ANK2: variants seen among roughly 807,000 people sequenced by gnomAD.
ANK2 encodes ankyrin 2.
In ANK2, 83 loss-of-function variants were observed where a neutral mutation model predicts 360.5. The ratio of observed to expected loss-of-function variants is 0.23; its 90% CI spans 0.19 to 0.28. The LOEUF (loss-of-function observed/expected upper bound fraction) is 0.28. Among genes scored for constraint, ANK2 ranks in the 10% least tolerant of loss-of-function variants. ANK2 has a pLI of 1.00. For missense variants in ANK2, 4,201 were observed against 4,795.7 expected (o/e 0.88, Z 3.66); for synonymous variants, 1,740 against 1,759.5 (o/e 0.99, Z 0.28).
At chr4:112,747,088 A>G in the ANK2 span, among the ~76,000 whole-genome samples, 51 of 152,354 alleles carry the variant, frequency 3.3e-4, no homozygotes, top group African/African-American at 1.1e-3. Flanking sequence ...CACCAACCTT[A>G]TCTCTTAAGG....
chr4:113,167,141 A>T (rs1336487284), intron 1 of ANK2, among the ~76,000 whole-genome samples: 1 of 152,140 alleles, frequency 6.6e-6, no homozygotes, highest in African/African-American at 2.4e-5. Context: ...AAAAAAGATA[A>T]TGCTTTTGAA....
intron 1 of ANK2, among the ~76,000 whole-genome samples, chr4:112,820,988 C>T (rs999522228): frequency 1.3e-4 from 19 of 151,994 alleles, no homozygotes; most frequent in Admixed American, 7.9e-4. Context: ...CTTGGCTCAC[C>T]GCAACCTCCG....
At chr4:112,888,503 C>CAA (rs1291408447) in intron 1 of ANK2, among the ~76,000 whole-genome samples, 2 of 151,894 alleles carry the variant, frequency 1.3e-5, no homozygotes, top group Admixed American at 6.6e-5. Flanking sequence ...CTACTTCTGG[C>CAA]AAGTTTTAAC....
intron 1 of ANK2, among the ~76,000 whole-genome samples, chr4:113,157,536 G>A (rs1356762344): frequency 6.6e-6 from 1 of 152,206 alleles, no homozygotes; most frequent in African/African-American, 2.4e-5. Flanking sequence ...TCTTGGGTTA[G>A]CAACATTAAA....
At chr4:112,851,700 T>G (rs918983169) in intron 1 of ANK2, among the ~76,000 whole-genome samples, 3 of 152,058 alleles carry the variant, frequency 2.0e-5, no homozygotes, top group African/African-American at 4.8e-5. Context: ...CTCAGCTCAT[T>G]GCAACTTCCA....
At chr4:112,892,549 T>C (rs2080368896) in intron 1 of ANK2, among the ~76,000 whole-genome samples, 2 of 152,222 alleles carry the variant, frequency 1.3e-5, no homozygotes, top group Admixed American at 1.3e-4. Flanking sequence ...TTGAAGAATT[T>C]TGAAGTAAAG....
chr4:112,948,075 T>G (rs1405466008), intron 2 of ANK2, among the ~76,000 whole-genome samples: 3 of 152,214 alleles, frequency 2.0e-5, no homozygotes, highest in Non-Finnish European at 4.4e-5. Context: ...AATTATCACT[T>G]TCTTCATTTT....
chr4:113,358,300 G>T lies in ANK2; in HGVS notation c.9682G>T (p.Val3228Leu), dbSNP rs141013157. 6.2e-7 allele frequency: 1 copy of T among 1,613,222 alleles called. No homozygotes were observed. The highest frequency in any genetic ancestry group is 8.5e-7 in the Non-Finnish European group (1 of 1,179,478). Residue 3228 changes from valine (V) to leucine (L), a missense_variant, in exon 38 of 46, where the codon GTG becomes TTG. By Grantham distance (32) the Val-to-Leu change is conservative. Transcript: ENST00000357077. ...VSVGTKDLPT[V>L]QTGDIPPLSG... ...TGTAGGGACCAAGGACCTCCCCACC[G>T]TGCAAACGGGTGATATACCTCCTCT...
chr4:113,121,308 T>C (rs970628710), intron 1 of ANK2, among the ~76,000 whole-genome samples: 3 of 152,152 alleles, frequency 2.0e-5, no homozygotes, highest in Non-Finnish European at 2.9e-5. Flanking sequence ...CTAAAGTTCA[T>C]TGGAGAAAAA....
intron 4 of ANK2, among the ~76,000 whole-genome samples, chr4:113,219,442 G>A (rs1255314683): frequency 6.6e-6 from 1 of 151,768 alleles, no homozygotes; most frequent in African/African-American, 2.4e-5. Flanking sequence ...ATGGTGAGCA[G>A]CACTTAATCT....
At chr4:112,876,207 C>T (rs1393804068) in intron 1 of ANK2, among the ~76,000 whole-genome samples, 1 of 152,036 alleles carries the variant, frequency 6.6e-6, no homozygotes, top group Non-Finnish European at 1.5e-5. Context: ...ATTCTGAGTA[C>T]AAAACAGCTT....
At chr4:112,960,118 C>G (rs2033940511) in intron 2 of ANK2, among the ~76,000 whole-genome samples, 1 of 152,198 alleles carries the variant, frequency 6.6e-6, no homozygotes, top group African/African-American at 2.4e-5. Context: ...CCAAACAACT[C>G]AGATGAATGG....
intron 26 of ANK2, among the ~76,000 whole-genome samples, chr4:113,321,578 C>T (rs530958846): frequency 6.6e-6 from 1 of 152,152 alleles, no homozygotes; most frequent in Non-Finnish European, 1.5e-5. Flanking sequence ...ATGAGTAACA[C>T]TCATCATACC....
chr4:112,899,082 A>G (rs941082569), intron 1 of ANK2, among the ~76,000 whole-genome samples: 31 of 152,302 alleles, frequency 2.0e-4, no homozygotes, highest in African/African-American at 7.2e-4. Flanking sequence ...AACCAAGTTG[A>G]TGGGGGCTGT....
At chr4:113,365,548 C>G (rs2096489832) in intron 41 of ANK2, among the ~76,000 whole-genome samples, 1 of 152,144 alleles carries the variant, frequency 6.6e-6, no homozygotes, top group Non-Finnish European at 1.5e-5. Flanking sequence ...TACATTTCCT[C>G]TTTTACTTCT....
the ANK2 span, among the ~76,000 whole-genome samples, chr4:112,730,106 T>C: frequency 2.0e-5 from 3 of 151,584 alleles, no homozygotes; most frequent in African/African-American, 7.3e-5. Flanking sequence ...ATGCAAAAAT[T>C]AGCCAGGTGT....
chr4:113,358,107 T>C lies in ANK2; in HGVS notation c.9489T>C (p.Ala3163=). The C allele has an allele frequency of 6.2e-7, 1 of 1,614,070 alleles. No homozygotes were observed. The highest frequency in any genetic ancestry group is 8.5e-7 in the Non-Finnish European group (1 of 1,179,952). Residue 3163 remains alanine (A), a synonymous_variant, in exon 38 of 46, where the codon GCT becomes GCC. Transcript: ENST00000357077. ...ATCCCCTACCGCTGGAGACATCAGC[T>C]GAATCACTAGCACTTTCAGAATCAA... The part of the protein sequence containing the change: ...GADPLPLETS[A]ESLALSESKE...
intron 45 of ANK2, chr4:113,374,960 A>C: frequency 9.1e-7 from 1 of 1,103,070 alleles, no homozygotes; most frequent in Non-Finnish European, 1.1e-6. Flanking sequence ...TAGAAGCATC[A>C]TCATTTGTCT....
At chr4:113,278,196 T>C (rs2153699784) in intron 16 of ANK2, among the ~76,000 whole-genome samples, 1 of 152,350 alleles carries the variant, frequency 6.6e-6, no homozygotes, top group East Asian at 1.9e-4. Context: ...GCAATGTTAA[T>C]GTAGTATTTC....
Sources: allele counts gnomAD v4.1 joint callset (sites outside exome capture counted in the v4.1 genomes callset), GRCh38; gene constraint gnomAD v4.1.1; transcripts MANE v1.5; gene names NCBI Gene and HGNC (gene_info 2026-07-23, HGNC 2026-07-21).